Variants in EPN2 observed in about 807,000 individuals in gnomAD.
EPN2 encodes epsin 2, also known as epsin-2.
A neutral mutation model predicts 61.7 loss-of-function variants in EPN2; 34 were observed. The ratio of observed to expected loss-of-function variants is 0.55; its 90% CI spans 0.42 to 0.73. The LOEUF (loss-of-function observed/expected upper bound fraction) is 0.73. Ranked by LOEUF, EPN2 falls within the 30% of genes least tolerant of loss-of-function variation. The pLI is 0.00. For missense variants in EPN2, 714 were observed against 839.2 expected, an observed-to-expected ratio of 0.85 and a Z score of 1.84; for synonymous variants, 349 against 353.6, an observed-to-expected ratio of 0.99 and a Z score of 0.15.
chr17:19,289,351 T>C (rs1322895205), intron 4 of EPN2, among the ~76,000 whole-genome samples: 1 of 152,078 alleles, frequency 6.6e-6, no homozygotes, highest in Non-Finnish European at 1.5e-5. Flanking sequence ...CCCAAAGTGC[T>C]GGGATTACAG....
chr17:19,312,914 CTTG>C, intron 6 of EPN2, 188 bp from the exon 7 acceptor site: 1 of 606,976 alleles, frequency 1.6e-6, no homozygotes, highest in South Asian at 1.9e-5. Flanking sequence ...CAGTAAATAG[CTTG>C]TTGTGACTGG....
chr17:19,265,055 T>G (rs1157136208), intron 1 of EPN2, among the ~76,000 whole-genome samples: 1 of 151,934 alleles, frequency 6.6e-6, no homozygotes, highest in Non-Finnish European at 1.5e-5. Context: ...GTCCTGAAAC[T>G]GGAGGGGAAG....
rs150823408 is a variant in EPN2 at position 19,283,158 on chromosome 17, C to G, written c.39C>G (p.Ile13Met). The G allele has an allele frequency of 3.1e-6, 5 of 1,612,814 alleles. No homozygotes were observed. Among genetic ancestry groups the G allele is most frequent in the South Asian group, 1.1e-5 (1 of 90,848 alleles). ...TSSIRRQMKN[I>M]VNNYSEAEIK... ...CTATCAGACGGCAGATGAAAAACAT[C>G]GTGAACAATTACTCAGAGGCAGAAA... The change falls in exon 3 of 11, where the codon ATC becomes ATG. Residue 13 changes from isoleucine to methionine, a missense_variant. Ile to Met is a conservative substitution (Grantham distance 10, BLOSUM62 1). Coordinates refer to ENST00000314728, the MANE Select transcript of EPN2 (RefSeq NM_014964.5). The surrounding 1 kb of genome is among the most constrained non-coding windows in gnomAD (Gnocchi z 7.0).
At chr17:19,278,735 G>A (rs1407449828) in intron 1 of EPN2, among the ~76,000 whole-genome samples, 1 of 152,182 alleles carries the variant, frequency 6.6e-6, no homozygotes, top group Non-Finnish European at 1.5e-5. Context: ...TCCAACCTCT[G>A]CCTCCTGGGT....
chr17:19,300,130 TCTACC>T (rs1473697694), intron 4 of EPN2, among the ~76,000 whole-genome samples: 1 of 152,092 alleles, frequency 6.6e-6, no homozygotes, highest in African/African-American at 2.4e-5. Flanking sequence ...TCTATGCAAA[TCTACC>T]CCCAATGTCC....
At chr17:19,330,219 T>A (rs765267645) in intron 9 of EPN2, among the ~76,000 whole-genome samples, 23 of 152,300 alleles carry the variant, frequency 1.5e-4, no homozygotes, top group Non-Finnish European at 2.8e-4. Flanking sequence ...GATGCATTCT[T>A]CACACACCCT....
chr17:19,331,920 A>C lies in EPN2; in HGVS notation c.1479A>C (p.Gln493His). The change falls in exon 10 of 11, where the codon CAA becomes CAC. Residue 493 changes from glutamine (Q) to histidine (H), a missense_variant. Physicochemically the swap from Gln to His is conservative, Grantham distance 24 (BLOSUM62 0). Around this residue, in one of 2 missense-constraint regions of EPN2, gnomAD observed 410 missense variants for 421.8 expected, o/e 0.97. Transcript: ENST00000314728. ...CCAGCCCTGACCCCTTTGAGTCTCA[A>C]CCCCTGACTGTCGCCTCAAGCAAGC... ...GTTSPDPFESQPLTVASSKPS... is the reference protein window; with the variant it reads ...GTTSPDPFESHPLTVASSKPS... 1 of 1,613,926 alleles carries C rather than the reference A, an allele frequency of 6.2e-7. No individual in the cohort carries two copies. Among genetic ancestry groups the C allele is most frequent in the Non-Finnish European group, 8.5e-7 (1 of 1,179,968 alleles).
intron 1 of EPN2, among the ~76,000 whole-genome samples, chr17:19,279,366 A>T (rs114044253): frequency 0.011 from 1,692 of 151,838 alleles, 27 homozygotes; most frequent in African/African-American, 0.039. Flanking sequence ...TTCTGCTTCC[A>T]CCCACAAGGT....
chr17:19,280,466 C>G (rs1419441939), intron 1 of EPN2, among the ~76,000 whole-genome samples: 1 of 152,190 alleles, frequency 6.6e-6, no homozygotes, highest in Non-Finnish European at 1.5e-5. Context: ...GTTTTTATCC[C>G]TGGTCCTTTC....
intron 7 of EPN2, among the ~76,000 whole-genome samples, chr17:19,321,941 G>T (rs1193698089): frequency 6.6e-6 from 1 of 152,188 alleles, no homozygotes; most frequent in Non-Finnish European, 1.5e-5. Context: ...CTGGGACAGA[G>T]AGCTGAGGAC....
At chr17:19,254,280 G>A (rs180994779) in intron 1 of EPN2, among the ~76,000 whole-genome samples, 2 of 151,966 alleles carry the variant, frequency 1.3e-5, no homozygotes, top group East Asian at 3.9e-4. Flanking sequence ...CAGAGCTCAC[G>A]CCTGTAATCC....
chr17:19,238,255 G>C (rs116384691), intron 1 of EPN2, among the ~76,000 whole-genome samples: 1,815 of 152,360 alleles, frequency 0.012, 33 homozygotes, highest in African/African-American at 0.041. Context: ...GTGAATGGGT[G>C]CGTGGGGTCT....
In EPN2 at chr17:19,323,496, T is replaced by C. The variant is rs558740206; in HGVS notation, c.1148-5215T>C. 1.6e-4 allele frequency among the ~76,000 whole-genome samples: 25 copies of C among 152,310 alleles called. No individual in the cohort carries two copies. The South Asian group carries it at 5.0e-3, about 30-fold the overall frequency. On this transcript the variant is annotated intron_variant, in intron 7 of 10. Transcript: ENST00000314728. ...AAGATAAATCAAAGAAATCCCCACC[T>C]GGACATATCATCAGGAAACTGCAGA... is the stretch of plus-strand genomic sequence containing the variant.
intron 4 of EPN2, among the ~76,000 whole-genome samples, chr17:19,293,957 G>A (rs1167046373): frequency 6.6e-6 from 1 of 152,000 alleles, no homozygotes; most frequent in Non-Finnish European, 1.5e-5. Flanking sequence ...GGGTGTGGTG[G>A]TGGATGCTTG....
intron 4 of EPN2, among the ~76,000 whole-genome samples, chr17:19,309,668 G>A (rs1906020833): frequency 6.6e-6 from 1 of 152,202 alleles, no homozygotes; most frequent in Admixed American, 6.5e-5. Flanking sequence ...GTTGGTACCA[G>A]GGGACTTCTG....
chr17:19,282,846 T>G, intron 2 of EPN2, 104 bp from the exon 3 acceptor site: 1 of 385,124 alleles, frequency 2.6e-6, no homozygotes, highest in Non-Finnish European at 4.7e-6. Context: ...GCTGGGTATG[T>G]CCACTCAGCT....
intron 7 of EPN2, among the ~76,000 whole-genome samples, chr17:19,321,105 C>T (rs1337319958): frequency 6.6e-6 from 1 of 152,194 alleles, no homozygotes; most frequent in Non-Finnish European, 1.5e-5. Flanking sequence ...AGAGTGGGAA[C>T]TGCATGGCGG....
intron 1 of EPN2, among the ~76,000 whole-genome samples, chr17:19,258,273 CAG>C (rs1238448162): frequency 2.0e-5 from 3 of 152,128 alleles, no homozygotes; most frequent in Admixed American, 6.5e-5. Context: ...CAGAGGCTTC[CAG>C]AATGGGGCAG....
At chr17:19,289,413 A>G (rs1295125329) in intron 4 of EPN2, among the ~76,000 whole-genome samples, 1 of 151,882 alleles carries the variant, frequency 6.6e-6, no homozygotes, top group Non-Finnish European at 1.5e-5. Context: ...AGATGACCTG[A>G]CAGACCTTGC....
Sources: gnomAD v4.1 joint callset for allele counts (sites outside exome capture counted in the v4.1 genomes callset) on GRCh38, gnomAD v4.1.1 for gene constraint, gnomAD v4.1.1 regional missense constraint, Gnocchi (gnomAD v3.1) non-coding constraint, MANE v1.5 for transcripts, NCBI Gene and HGNC (gene_info 2026-07-23, HGNC 2026-07-21) for gene names.